AGXT: variants seen among roughly 807,000 people sequenced by gnomAD.
AGXT encodes alanine--glyoxylate aminotransferase.
A neutral mutation model predicts 46.9 loss-of-function variants in AGXT; 41 were observed. The ratio of observed to expected loss-of-function variants is 0.88; its 90% CI spans 0.68 to 1.14. AGXT has a LOEUF of 1.14. AGXT is among the 50% of genes most tolerant of loss of function. AGXT has a pLI of 0.00. For missense variants in AGXT, 525 were observed against 522.7 expected (o/e 1.00, Z -0.04); for synonymous variants, 244 against 227.9 (o/e 1.07, Z -0.64).
chr2:240,875,692 G>A (rs894424097), intron 7 of AGXT, among the ~76,000 whole-genome samples: 6 of 152,222 alleles, frequency 3.9e-5, no homozygotes, highest in Admixed American at 6.5e-5. Context: ...GTGGTGGCAC[G>A]TGTCTCTGCT....
intron 5 of AGXT, chr2:240,873,552 A>G (rs2059003084): frequency 3.5e-6 from 1 of 287,670 alleles, no homozygotes; most frequent in East Asian, 9.5e-5. Flanking sequence ...GAGCCTGCAC[A>G]TTGCATCCAC....
Position 240,876,740 on chromosome 2 carries a change from G to A in AGXT, c.846+736G>A, listed in dbSNP as rs1220304723. ...TGCCTAGGGCTGGGTTAGTGCCAGG[G>A]TGCCCCTGTAAGCTAAATGCCACCC... On this transcript the variant is annotated intron_variant, in intron 8 of 10. Coordinates refer to ENST00000307503, the MANE Select transcript of AGXT (RefSeq NM_000030.3). Among the ~76,000 whole-genome samples the A allele has an allele frequency of 2.6e-5, 4 of 152,220 alleles. No individual in the cohort carries two copies. The East Asian group carries it at 7.7e-4, about 29-fold the overall frequency.
rs776483024 is a variant in AGXT, at chr2:240,878,981, G to A, written c.*160G>A. 9.8e-5 allele frequency: 72 copies of A among 738,232 alleles called. No homozygotes were observed. Among genetic ancestry groups the A allele is most frequent in the Middle Eastern group, 2.9e-4 (1 of 3,404 alleles). 45.7% of individuals were successfully genotyped at this position (738,232 alleles called of 1,614,324 possible). ...AACCAGGCAGCCTCCCTGGCCCCAG[G>A]CAGCCCTTTTCCCTCCAGTGGCACC... On this transcript the variant is annotated 3_prime_UTR_variant, in exon 11 of 11. Transcript: ENST00000307503.
intron 5 of AGXT, chr2:240,873,250 T>G: frequency 1.7e-6 from 1 of 580,868 alleles, no homozygotes; most frequent in South Asian, 2.1e-5. Context: ...TCCACTGAGC[T>G]TTCAGATCCA....
chr2:240,873,207 G>A (rs1190304828), intron 5 of AGXT, 158 bp downstream of exon 5: 4 of 647,842 alleles, frequency 6.2e-6, no homozygotes, highest in Admixed American at 5.1e-5. Flanking sequence ...TGCGGCAAGA[G>A]CGGCTCCATG....
intron 8 of AGXT, chr2:240,877,005 G>T (rs927970652): frequency 1.2e-5 from 3 of 251,158 alleles, no homozygotes; most frequent in African/African-American, 2.2e-5. Context: ...CCCACCTGGG[G>T]TGGCCATGAG....
chr2:240,875,563 C>T (rs2059020182), intron 7 of AGXT, among the ~76,000 whole-genome samples: 1 of 152,248 alleles, frequency 6.6e-6, no homozygotes, highest in African/African-American at 2.4e-5. Context: ...GCCATAAACC[C>T]AAGGCCCCTT....
At chr2:240,876,168 T>A (rs915695471) in intron 8 of AGXT, among the ~76,000 whole-genome samples, 164 bp downstream of exon 8, 5 of 152,072 alleles carry the variant, frequency 3.3e-5, no homozygotes, top group Non-Finnish European at 7.4e-5. Flanking sequence ...CCGGGTACAC[T>A]GGCTGCGGGC....
At position 240,879,022 on chromosome 2, in the gene AGXT, A is replaced by G. The variant is rs2059043465; in HGVS notation, c.*201A>G. The G allele has an allele frequency of 1.3e-5, 8 of 618,012 alleles. No homozygotes were observed. Among genetic ancestry groups the G allele is most frequent in the East Asian group, 5.5e-5 (2 of 36,394 alleles). 38.3% of individuals were successfully genotyped at this position (618,012 alleles called of 1,614,324 possible). ...CAGTGGCACCTCCTGGAAACAGTCCACTTGGGCGCAAAACCCAGTGCCTTC... is the reference window on the plus strand; with the variant it reads ...CAGTGGCACCTCCTGGAAACAGTCCGCTTGGGCGCAAAACCCAGTGCCTTC... On this transcript the variant is annotated 3_prime_UTR_variant, in exon 11 of 11. Coordinates refer to ENST00000307503, the MANE Select transcript of AGXT (RefSeq NM_000030.3).
At position 240,878,869 on chromosome 2, in the gene AGXT, C is replaced by A; in HGVS notation, c.*48C>A. On this transcript the variant is annotated 3_prime_UTR_variant, in exon 11 of 11. Transcript: ENST00000307503. ...GCACTGGCACACACCTGTCCCATGC[C>A]CACCCTGAGGGATCAGGAGCAAACA... The A allele has an allele frequency of 6.6e-7, 1 of 1,513,840 alleles. No individual in the cohort carries two copies. The highest frequency in any genetic ancestry group is 9.0e-7 in the Non-Finnish European group (1 of 1,116,454). The allele number at this position is 1,513,840 out of a possible 1,614,324, so 93.8% of individuals were successfully genotyped here. A position where few individuals can be genotyped will look rare whatever the true frequency, so the allele number is the denominator to read the frequency against.
In AGXT at chr2:240,877,632, G is replaced by A. The variant is rs553429935; in HGVS notation, c.942G>A (p.Pro314=). The A allele has an allele frequency of 7.7e-5, 119 of 1,550,666 alleles. No homozygotes were observed. In the East Asian group the frequency reaches 1.0e-3, roughly 13 times the overall value. ...ALGLQLFVKD[P]ALRLPTVTTV... ...GGCTGCAGCTCTTCGTGAAGGACCC[G>A]GTAAGGAGGCCCCTGGCATTGGGCA... The change falls in exon 9 of 11, where the codon CCG becomes CCA. Residue 314 remains proline (P), a splice_region_variant and synonymous_variant. Coordinates refer to ENST00000307503, the MANE Select transcript of AGXT (RefSeq NM_000030.3).
At chr2:240,877,110 G>C (rs2059028534) in intron 8 of AGXT, 1 of 357,188 alleles carries the variant, frequency 2.8e-6, no homozygotes, top group African/African-American at 2.1e-5. Context: ...GTCCAGAGCT[G>C]AGGCAGGAGC....
Position 240,869,162 on chromosome 2 carries a change from G to A in AGXT, c.166-8G>A, listed in dbSNP as rs377564684. The A allele has an allele frequency of 2.5e-5, 36 of 1,461,806 alleles. No homozygotes were observed. The highest frequency in any genetic ancestry group is 9.4e-5 in the African/African-American group (6 of 64,118). The allele number at this position is 1,461,806 out of a possible 1,614,324, so 90.6% of individuals were successfully genotyped here. A position where few individuals can be genotyped will look rare whatever the true frequency, so the allele number is the denominator to read the frequency against. The stretch of plus-strand genomic sequence containing the variant: ...GCCTGGGTCTCACCCTATACCACCC[G>A]CATGCAGATCATGGACGAGATCAAG... On this transcript the variant is annotated splice_polypyrimidine_tract_variant and splice_region_variant and intron_variant, in intron 1 of 10. Coordinates refer to ENST00000307503, the MANE Select transcript of AGXT (RefSeq NM_000030.3).
chr2:240,877,888 C>G, intron 9 of AGXT, 134 bp from the exon 10 acceptor site: 1 of 1,286,888 alleles, frequency 7.8e-7, no homozygotes, highest in Non-Finnish European at 1.1e-6. Context: ...GGGTGGGGTC[C>G]CTGCTCTCTC....
chr2:240,877,697 GC>G, intron 9 of AGXT, 65 bp downstream of exon 9: 2 of 1,493,962 alleles, frequency 1.3e-6, no homozygotes, highest in Non-Finnish European at 1.8e-6. Flanking sequence ...CTCTTGCCCA[GC>G]CCCCTCAAGA....
At position 240,875,142 on chromosome 2, in the gene AGXT, C is replaced by T; in HGVS notation, c.714C>T (p.Phe238=). 6.2e-7 allele frequency: 1 copy of T among 1,613,916 alleles called. No homozygotes were observed. The highest frequency in any genetic ancestry group is 1.3e-5 in the African/African-American group (1 of 75,068). The change falls in exon 7 of 11, where the codon TTC becomes TTT. Residue 238 remains phenylalanine (F), a synonymous_variant. Coordinates refer to ENST00000307503, the MANE Select transcript of AGXT (RefSeq NM_000030.3). ...TGTACTCCCGCAAGACGAAGCCCTT[C>T]TCCTTCTACCTGGACATCAAGTGGC... ...KKMYSRKTKP[F]SFYLDIKWLA...
intron 3 of AGXT, 147 bp from the exon 4 acceptor site, chr2:240,871,202 C>A: frequency 2.8e-6 from 2 of 713,848 alleles, no homozygotes; most frequent in Admixed American, 4.2e-5. Context: ...GATGCCCCAG[C>A]CTCCTCCTCC....
rs1452888199 is a variant in AGXT, at chr2:240,871,432, C to T, written c.507C>T (p.Phe169=). The change falls in exon 4 of 11, where the codon TTC becomes TTT. Residue 169 remains phenylalanine (F), a synonymous_variant. Coordinates refer to ENST00000307503, the MANE Select transcript of AGXT (RefSeq NM_000030.3). ...GCGTGCTGCAGCCCCTTGATGGCTT[C>T]GGGGAACTCTGCCACAGGTGAGCCT... ...STGVLQPLDG[F]GELCHRYKCL... The T allele has an allele frequency of 6.9e-6, 11 of 1,593,596 alleles. No individual in the cohort carries two copies. The highest frequency in any genetic ancestry group is 1.7e-4 in the Middle Eastern group (1 of 6,026).
chr2:240,878,396 C>T (rs959385198), intron 10 of AGXT, among the ~76,000 whole-genome samples: 1 of 152,208 alleles, frequency 6.6e-6, no homozygotes, highest in African/African-American at 2.4e-5. Flanking sequence ...TCCTTCCTTC[C>T]CTCTGACCAG....
Sources: gnomAD v4.1 joint callset for allele counts (sites outside exome capture counted in the v4.1 genomes callset) on GRCh38, gnomAD v4.1.1 for gene constraint, MANE v1.5 for transcripts, NCBI Gene and HGNC (gene_info 2026-07-23, HGNC 2026-07-21) for gene names.